The following ZSCAN2 variants were observed in gnomAD, a reference collection of about 807,000 sequenced individuals.
ZSCAN2 encodes zinc finger and SCAN domain containing 2, also known as zinc finger and SCAN domain-containing protein 2.
ZSCAN2 carries 26 observed loss-of-function variants against 47.8 expected under a neutral mutation model. The ratio of observed to expected loss-of-function variants is 0.54; its 90% CI spans 0.40 to 0.75. ZSCAN2 has a LOEUF of 0.75. Among genes scored for constraint, ZSCAN2 ranks in the 30% least tolerant of loss-of-function variants. The probability of loss-of-function intolerance (pLI) is 0.00; values close to 1 mark genes in which losing one functional copy is unlikely to be tolerated. For synonymous variants in ZSCAN2, 305 were observed against 288.7 expected, an observed-to-expected ratio of 1.06 and a Z score of -0.57; for missense variants, 732 against 785.4, an observed-to-expected ratio of 0.93 and a Z score of 0.81.
intron 2 of ZSCAN2, among the ~76,000 whole-genome samples, chr15:84,608,923 C>G (rs957021290): frequency 6.6e-6 from 1 of 152,174 alleles, no homozygotes; most frequent in Non-Finnish European, 1.5e-5. Context: ...TTGACAAGAT[C>G]TCCAGGTGAT....
intron 2 of ZSCAN2, among the ~76,000 whole-genome samples, chr15:84,613,626 A>C (rs953427997): frequency 1.3e-5 from 2 of 150,936 alleles, no homozygotes; most frequent in African/African-American, 4.9e-5. Flanking sequence ...ATAATGTTTT[A>C]ACATCTGACA....
Position 84,623,225 on chromosome 15 carries a change from C to G in ZSCAN2, c.*1185C>G, listed in dbSNP as rs1414698030. ...GCCTCAGCCTCCCGAGTAGCTGGGA[C>G]TACAGGTGCCCACCACCACACCCAG... On this transcript the variant is annotated 3_prime_UTR_variant, in exon 3 of 3. Coordinates refer to ENST00000546148, the MANE Select transcript of ZSCAN2 (RefSeq NM_181877.4). The G allele has an allele frequency of 6.2e-6, 1 of 160,782 alleles. No individual in the cohort carries two copies. Among genetic ancestry groups the G allele is most frequent in the African/African-American group, 2.4e-5 (1 of 41,434 alleles). 10.0% of individuals were successfully genotyped at this position (160,782 alleles called of 1,614,324 possible).
At chr15:84,604,796 G>A (rs1895330265) in intron 2 of ZSCAN2, among the ~76,000 whole-genome samples, 1 of 142,176 alleles carries the variant, frequency 7.0e-6, no homozygotes, top group Non-Finnish European at 1.5e-5. Flanking sequence ...GGGGTGCAGT[G>A]GCACAATCTT....
chr15:84,622,356 A>G lies in ZSCAN2; in HGVS notation c.*316A>G. On this transcript the variant is annotated 3_prime_UTR_variant, in exon 3 of 3. Coordinates refer to ENST00000546148, the MANE Select transcript of ZSCAN2 (RefSeq NM_181877.4). ...TTCCTCTTTGGTAAAATGGGGGGAA[A>G]TGTTTCTCCATGTGGAATGGAAGAC... is the stretch of plus-strand genomic sequence containing the variant. 1 of 574,182 alleles carries G rather than the reference A, an allele frequency of 1.7e-6. No individual in the cohort carries two copies. The highest frequency in any genetic ancestry group is 3.1e-6 in the Non-Finnish European group (1 of 317,974). The allele number at this position is 574,182 out of a possible 1,614,324, so 35.6% of individuals were successfully genotyped here. A position where few individuals can be genotyped will look rare whatever the true frequency, so the allele number is the denominator to read the frequency against.
chr15:84,602,587 C>CTTTTTTTT (rs981357914), intron 1 of ZSCAN2, among the ~76,000 whole-genome samples: 4 of 115,742 alleles, frequency 3.5e-5, no homozygotes, highest in East Asian at 2.3e-4. Context: ...CTTTTCTTTT[C>CTTTTTTTT]TTTTTTTTTT....
chr15:84,602,691 C>T (rs1330240222), intron 1 of ZSCAN2, among the ~76,000 whole-genome samples: 1 of 150,014 alleles, frequency 6.7e-6, no homozygotes, highest in Non-Finnish European at 1.5e-5. Context: ...CAGGTTCGGG[C>T]AATTCTCCTG....
chr15:84,619,062 C>T (rs1356765480), intron 2 of ZSCAN2, among the ~76,000 whole-genome samples: 1 of 152,142 alleles, frequency 6.6e-6, no homozygotes, highest in Non-Finnish European at 1.5e-5. Context: ...AGCAGTCCTC[C>T]CTAATGATTT....
In ZSCAN2 at chr15:84,603,922, C is replaced by G; in HGVS notation, c.-6C>G. ...TGAAGCCTAAGTGATTGCCCCAGGA[C>G]TGTGGATGATGGCTGCAGACATCCC... On this transcript the variant is annotated 5_prime_UTR_variant, in exon 2 of 3. Coordinates refer to ENST00000546148, the MANE Select transcript of ZSCAN2 (RefSeq NM_181877.4). 4 of 1,611,452 alleles carry G rather than the reference C, an allele frequency of 2.5e-6. No individual in the cohort carries two copies. The highest frequency in any genetic ancestry group is 3.4e-6 in the Non-Finnish European group (4 of 1,178,534).
rs1339990867 is a variant in ZSCAN2, at chr15:84,622,670, G to C, written c.*630G>C. 1 of 717,332 alleles carries C rather than the reference G, an allele frequency of 1.4e-6. No homozygotes were observed. Among genetic ancestry groups the C allele is most frequent in the African/African-American group, 1.7e-5 (1 of 57,270 alleles). The allele number at this position is 717,332 out of a possible 1,614,324, so 44.4% of individuals were successfully genotyped here. On this transcript the variant is annotated 3_prime_UTR_variant, in exon 3 of 3. Coordinates refer to ENST00000546148, the MANE Select transcript of ZSCAN2 (RefSeq NM_181877.4). ...GAAAGTGTCAGGAGCACAGAAACTT[G>C]AGGAAGTACAGCCTGGAGCCAGTGT...
chr15:84,620,860 A>G lies in ZSCAN2; in HGVS notation c.665A>G (p.Tyr222Cys), dbSNP rs1895800390. ...LQGTYLGEKP[Y>C]ECPQCGKTFS... ...GGCACCTACCTAGGGGAGAAGCCCT[A>G]CGAATGTCCCCAGTGTGGGAAGACC... Residue 222 changes from tyrosine (Y) to cysteine (C), a missense_variant, in exon 3 of 3, where the codon TAC (tyrosine) becomes TGC (cysteine). Tyr to Cys is a radical substitution (Grantham distance 194). Transcript: ENST00000546148. 7 of 1,614,214 alleles carry G rather than the reference A, an allele frequency of 4.3e-6. No individual in the cohort carries two copies. The highest frequency in any genetic ancestry group is 5.9e-6 in the Non-Finnish European group (7 of 1,180,032).
intron 2 of ZSCAN2, chr15:84,616,467 C>G (rs1294375702): frequency 1.3e-6 from 2 of 1,494,034 alleles, no homozygotes; most frequent in African/African-American, 1.4e-5. Context: ...CCCTCCCACC[C>G]CAGGGCTCTC....
chr15:84,609,301 AGATATATGATATATCTCATAT>A (rs1895476829), intron 2 of ZSCAN2, among the ~76,000 whole-genome samples: 1 of 149,456 alleles, frequency 6.7e-6, no homozygotes, highest in Non-Finnish European at 1.5e-5. Flanking sequence ...ATGATATATG[AGATATATGATATATCTCATAT>A]GATATATATA....
chr15:84,603,816 TCAGC>T lies in ZSCAN2; in HGVS notation c.-108-3_-108del. On this transcript the variant is annotated splice_acceptor_variant and splice_polypyrimidine_tract_variant and 5_prime_UTR_variant and intron_variant, in exon 2 of 3. Transcript: ENST00000546148. LOFTEE classifies it low-confidence loss of function (5UTR_SPLICE). ...GGATTATGGTTCTCTTTTTTGTTTC[TCAGC>T]GGGACTACTTGTTGATATTTGAGGA... The T allele has an allele frequency of 7.7e-7, 1 of 1,293,152 alleles. No homozygotes were observed. The allele number at this position is 1,293,152 out of a possible 1,614,324, so 80.1% of individuals were successfully genotyped here. A position where few individuals can be genotyped will look rare whatever the true frequency, so the allele number is the denominator to read the frequency against.
Position 84,622,682 on chromosome 15 carries a change from C to G in ZSCAN2, c.*642C>G, listed in dbSNP as rs1024478272. 2 of 717,280 alleles carry G rather than the reference C, an allele frequency of 2.8e-6. No individual in the cohort carries two copies. The highest frequency in any genetic ancestry group is 3.5e-5 in the African/African-American group (2 of 57,252). The allele number at this position is 717,280 out of a possible 1,614,324, so 44.4% of individuals were successfully genotyped here. On this transcript the variant is annotated 3_prime_UTR_variant, in exon 3 of 3. Coordinates refer to ENST00000546148, the MANE Select transcript of ZSCAN2 (RefSeq NM_181877.4). ...AGCACAGAAACTTGAGGAAGTACAG[C>G]CTGGAGCCAGTGTCCCAGTGTCCTT...
At chr15:84,605,598 G>T (rs1030653538) in intron 2 of ZSCAN2, among the ~76,000 whole-genome samples, 1 of 152,172 alleles carries the variant, frequency 6.6e-6, no homozygotes, top group African/African-American at 2.4e-5. Context: ...TTGGGGGAAG[G>T]GTGGGTGAGG....
chr15:84,602,839 G>A (rs557000712), intron 1 of ZSCAN2, among the ~76,000 whole-genome samples: 9 of 151,708 alleles, frequency 5.9e-5, no homozygotes, highest in South Asian at 4.1e-4. Flanking sequence ...TCCGCCTGCC[G>A]AGGCCTCCCA....
Position 84,601,058 on chromosome 15 carries a change from T to G in ZSCAN2, c.-186T>G, listed in dbSNP as rs987162659. Reference sequence around the variant, plus strand: ...CCCCACGGGCTTGAGCCGGGGTGAATCTGGAGGGGCCGGGCCGAGCCCGGG... The same window carrying G: ...CCCCACGGGCTTGAGCCGGGGTGAAGCTGGAGGGGCCGGGCCGAGCCCGGG... On this transcript the variant is annotated 5_prime_UTR_variant, in exon 1 of 3. Coordinates refer to ENST00000546148, the MANE Select transcript of ZSCAN2 (RefSeq NM_181877.4). 1 of 152,022 alleles carries G rather than the reference T, an allele frequency of 6.6e-6. No individual in the cohort carries two copies. The highest frequency in any genetic ancestry group is 6.6e-5 in the Admixed American group (1 of 15,258). The allele number at this position is 152,022 out of a possible 1,614,324, so 9.4% of individuals were successfully genotyped here.
intron 2 of ZSCAN2, among the ~76,000 whole-genome samples, chr15:84,610,788 A>G (rs1895525991): frequency 6.6e-6 from 1 of 151,976 alleles, no homozygotes; most frequent in South Asian, 2.1e-4. Flanking sequence ...CACCCAGCCA[A>G]AACAGAAGTG....
In ZSCAN2 at chr15:84,605,655, C is replaced by G. The variant is rs75963579; in HGVS notation, c.406+1322C>G. Among the ~76,000 whole-genome samples the G allele has an allele frequency of 4.1e-3, 622 of 152,268 alleles. 26 individuals carry two copies. The East Asian group carries it at 0.1, about 25-fold the overall frequency. On this transcript the variant is annotated intron_variant, in intron 2 of 2. Transcript: ENST00000546148. ...TCAGTGGGTTCTTGAACTAGACCCCCAAGGGGCATGGAAGGAAGCGGAGTT... is the reference window on the plus strand; with the variant it reads ...TCAGTGGGTTCTTGAACTAGACCCCGAAGGGGCATGGAAGGAAGCGGAGTT...
Sources: gnomAD v4.1 joint callset for allele counts (sites outside exome capture counted in the v4.1 genomes callset) on GRCh38, gnomAD v4.1.1 for gene constraint, MANE v1.5 for transcripts, NCBI Gene and HGNC (gene_info 2026-07-23, HGNC 2026-07-21) for gene names.